MYO1D: variants seen among roughly 807,000 people sequenced by gnomAD.
The protein encoded by MYO1D is unconventional myosin-Id.
In MYO1D, 83 loss-of-function variants were observed where a neutral mutation model predicts 122.0. That is an observed-to-expected ratio of 0.68 (90% CI 0.57 to 0.82). MYO1D has a LOEUF of 0.82. MYO1D is among the 40% of genes least tolerant of loss of function. MYO1D has a pLI of 0.00. For missense variants in MYO1D, 1,157 were observed against 1,269.5 expected, an observed-to-expected ratio of 0.91 and a Z score of 1.35; for synonymous variants, 464 against 446.9, an observed-to-expected ratio of 1.04 and a Z score of -0.48.
At chr17:32,559,303 G>A (rs2087097198) in intron 21 of MYO1D, among the ~76,000 whole-genome samples, 1 of 152,196 alleles carries the variant, frequency 6.6e-6, no homozygotes, top group African/African-American at 2.4e-5. Context: ...TTAGCTTAAT[G>A]TTGCCTCCTT....
intron 21 of MYO1D, among the ~76,000 whole-genome samples, chr17:32,534,521 G>T (rs62062467): frequency 0.016 from 2,504 of 152,202 alleles, 36 homozygotes; most frequent in South Asian, 0.05. Context: ...GGTAATGAGG[G>T]CACATATAGA....
intron 1 of MYO1D, among the ~76,000 whole-genome samples, chr17:32,803,644 G>A (rs905020436): frequency 2.6e-5 from 4 of 152,084 alleles, no homozygotes; most frequent in Middle Eastern, 3.2e-3. Context: ...TAATCTGAAA[G>A]TTCTAACAAC....
At chr17:32,601,182 C>T (rs200274102) in intron 21 of MYO1D, among the ~76,000 whole-genome samples, 6 of 152,120 alleles carry the variant, frequency 3.9e-5, no homozygotes, top group East Asian at 3.8e-4. Context: ...GCAATCCTCC[C>T]GCTTTAACTT....
chr17:32,873,152 A>T lies in MYO1D; in HGVS notation c.95+3626T>A, dbSNP rs200733590. Among the ~76,000 whole-genome samples, 103 of 149,864 alleles carry T rather than the reference A, an allele frequency of 6.9e-4. No individual in the cohort carries two copies. In the East Asian group the frequency reaches 8.2e-3, roughly 12 times the overall value. The stretch of plus-strand genomic sequence containing the variant: ...AAAGGACAATGCCACATAAGCTTTT[A>T]AAAAAAAAAGTAACAAGCATTTTTC... On this transcript the variant is annotated intron_variant, in intron 1 of 21. Transcript: ENST00000318217.
At chr17:32,796,743 C>T (rs983058467) in intron 1 of MYO1D, among the ~76,000 whole-genome samples, 3 of 152,100 alleles carry the variant, frequency 2.0e-5, no homozygotes, top group African/African-American at 7.2e-5. Flanking sequence ...AAGTAAATCC[C>T]ACAGATGGCT....
intron 19 of MYO1D, among the ~76,000 whole-genome samples, chr17:32,651,361 C>T (rs1163248548): frequency 1.3e-5 from 2 of 152,170 alleles, no homozygotes; most frequent in Non-Finnish European, 2.9e-5. Flanking sequence ...CTCTACAGAT[C>T]TTCAGAGTTT....
intron 21 of MYO1D, among the ~76,000 whole-genome samples, chr17:32,602,372 G>A (rs985832042): frequency 6.6e-6 from 1 of 152,106 alleles, no homozygotes. Flanking sequence ...GGATATTTTT[G>A]TGTTTTTAGA....
chr17:32,512,082 C>G (rs111439658), intron 21 of MYO1D, among the ~76,000 whole-genome samples: 2 of 152,066 alleles, frequency 1.3e-5, no homozygotes. Flanking sequence ...GGGCGGATCA[C>G]CTGAGGTCAG....
intron 20 of MYO1D, among the ~76,000 whole-genome samples, chr17:32,611,159 C>T (rs1567909041): frequency 2.0e-5 from 3 of 152,170 alleles, no homozygotes; most frequent in Non-Finnish European, 1.5e-5. Flanking sequence ...GTCCTCTCCT[C>T]CTCTGCAATG....
intron 11 of MYO1D, among the ~76,000 whole-genome samples, chr17:32,752,459 A>C (rs1008149665): frequency 2.0e-5 from 3 of 152,242 alleles, no homozygotes; most frequent in Admixed American, 6.5e-5. Context: ...AGCAAAAGAA[A>C]TAACCAACAG....
chr17:32,785,566 T>G (rs1374801742), intron 1 of MYO1D, among the ~76,000 whole-genome samples: 1 of 152,150 alleles, frequency 6.6e-6, no homozygotes, highest in African/African-American at 2.4e-5. Context: ...CAACTCCAAT[T>G]TAGGTTCCAC....
chr17:32,712,755 C>T (rs79701406), intron 15 of MYO1D, among the ~76,000 whole-genome samples: 12 of 152,306 alleles, frequency 7.9e-5, no homozygotes, highest in East Asian at 5.8e-4. Context: ...TTTCTACATA[C>T]GAGCAGTCAA....
chr17:32,681,324 G>C (rs113990722), intron 16 of MYO1D, among the ~76,000 whole-genome samples: 2 of 141,142 alleles, frequency 1.4e-5, no homozygotes, highest in Non-Finnish European at 3.1e-5. Context: ...TGCTTTTCTA[G>C]TTCTTTTAAT....
intron 21 of MYO1D, chr17:32,529,898 C>A (rs1294637200): frequency 2.0e-5 from 3 of 152,240 alleles, no homozygotes; most frequent in Non-Finnish European, 4.4e-5. Context: ...AGTCTTCCCA[C>A]TGTACCTGGG....
intron 20 of MYO1D, among the ~76,000 whole-genome samples, chr17:32,632,247 T>A (rs1327977653): frequency 1.3e-5 from 2 of 152,178 alleles, no homozygotes; most frequent in African/African-American, 2.4e-5. Context: ...TGACAAGACC[T>A]CTTTTAATAA....
intron 21 of MYO1D, chr17:32,495,722 C>T (rs1162077660): frequency 1.3e-5 from 2 of 152,342 alleles, no homozygotes; most frequent in Non-Finnish European, 2.9e-5. Flanking sequence ...AGGCTGGCAC[C>T]CCAATGTTTG....
At chr17:32,694,790 C>T (rs1200957128) in intron 16 of MYO1D, among the ~76,000 whole-genome samples, 1 of 150,726 alleles carries the variant, frequency 6.6e-6, no homozygotes, top group Non-Finnish European at 1.5e-5. Flanking sequence ...CTGGTCATCT[C>T]TACTTGAATG....
At chr17:32,579,360 C>T (rs1255117899) in intron 21 of MYO1D, among the ~76,000 whole-genome samples, 1 of 152,220 alleles carries the variant, frequency 6.6e-6, no homozygotes, top group African/African-American at 2.4e-5. Flanking sequence ...TGGGCAACCA[C>T]GTCCAGCCCA....
intron 1 of MYO1D, among the ~76,000 whole-genome samples, chr17:32,838,028 GT>G (rs2090844465): frequency 6.6e-6 from 1 of 151,946 alleles, no homozygotes; most frequent in Non-Finnish European, 1.5e-5. Flanking sequence ...AAGATGTAAT[GT>G]TCTTTGTGCT....
Sources: gnomAD v4.1 joint callset for allele counts (sites outside exome capture counted in the v4.1 genomes callset) on GRCh38, gnomAD v4.1.1 for gene constraint, MANE v1.5 for transcripts, NCBI Gene and HGNC (gene_info 2026-07-23, HGNC 2026-07-21) for gene names.